MYRIP: variants seen among roughly 807,000 people sequenced by gnomAD.
MYRIP encodes rab effector MyRIP.
In MYRIP, 49 loss-of-function variants were observed where a neutral mutation model predicts 98.0. The observed-to-expected ratio is 0.50, with a 90% CI of 0.40 to 0.63. The LOEUF (loss-of-function observed/expected upper bound fraction) is 0.63. Ranked by LOEUF, MYRIP falls within the 30% of genes least tolerant of loss-of-function variation. The probability of loss-of-function intolerance (pLI) is 0.00; values close to 1 mark genes in which losing one functional copy is unlikely to be tolerated. For missense variants in MYRIP, 1,004 were observed against 1,058.2 expected, an observed-to-expected ratio of 0.95 and a Z score of 0.71; for synonymous variants, 404 against 409.5, an observed-to-expected ratio of 0.99 and a Z score of 0.16.
At chr3:40,117,022 C>T (rs535036891) in intron 3 of MYRIP, among the ~76,000 whole-genome samples, 21 of 152,326 alleles carry the variant, frequency 1.4e-4, no homozygotes, top group African/African-American at 5.1e-4. Flanking sequence ...CACAGTCTCA[C>T]ATGAGTGGCT....
chr3:39,891,107 A>C (rs1943475543), intron 1 of MYRIP, among the ~76,000 whole-genome samples: 1 of 151,952 alleles, frequency 6.6e-6, no homozygotes, highest in Non-Finnish European at 1.5e-5. Flanking sequence ...TTATTTTCCC[A>C]GTTGCTTTTT....
chr3:39,881,654 T>C (rs1018464142), intron 1 of MYRIP, among the ~76,000 whole-genome samples: 1 of 152,168 alleles, frequency 6.6e-6, no homozygotes. Context: ...CCAGAGCCTC[T>C]CTAGCCCAGT....
At chr3:39,969,430 C>A (rs1945521785) in intron 2 of MYRIP, among the ~76,000 whole-genome samples, 1 of 151,244 alleles carries the variant, frequency 6.6e-6, no homozygotes, top group African/African-American at 2.4e-5. Context: ...CCAGCTTTTG[C>A]CCATTCAGTA....
chr3:40,244,460 A>G lies in MYRIP; in HGVS notation c.2115A>G (p.Ala705=), dbSNP rs745369319. 1 of 1,612,786 alleles carries G rather than the reference A, an allele frequency of 6.2e-7. No individual in the cohort carries two copies. The highest frequency in any genetic ancestry group is 1.1e-5 in the South Asian group (1 of 90,852). The change falls in exon 13 of 17, where the codon GCA becomes GCG. Residue 705 remains alanine, a synonymous_variant. Coordinates refer to ENST00000302541, the MANE Select transcript of MYRIP (RefSeq NM_015460.4). ...TSLEENVYLA[A]GTVYGLETQL... is the part of the protein sequence containing the mutation. ...TGTCTCTACAGGTATACCTGGCAGC[A>G]GGCACTGTGTATGGACTGGAGACCC... is the stretch of plus-strand genomic sequence containing the variant.
chr3:39,922,630 G>A (rs1559523445), intron 2 of MYRIP, among the ~76,000 whole-genome samples: 2 of 152,218 alleles, frequency 1.3e-5, no homozygotes, highest in Admixed American at 6.5e-5. Context: ...GCAGCAACAA[G>A]GAGCTCCCTC....
chr3:40,223,938 A>C (rs1233882891), intron 11 of MYRIP, among the ~76,000 whole-genome samples: 1 of 152,070 alleles, frequency 6.6e-6, no homozygotes, highest in African/African-American at 2.4e-5. Context: ...TCTCTGACCA[A>C]GGGTCTTGAA....
At chr3:39,968,026 G>C (rs1575421866) in intron 2 of MYRIP, among the ~76,000 whole-genome samples, 1 of 152,128 alleles carries the variant, frequency 6.6e-6, no homozygotes. Context: ...CCATTCTGTA[G>C]GTTGTCTACT....
At chr3:39,951,972 T>C (rs952158444) in intron 2 of MYRIP, among the ~76,000 whole-genome samples, 1 of 152,212 alleles carries the variant, frequency 6.6e-6, no homozygotes, top group Non-Finnish European at 1.5e-5. Context: ...AGTAAATTTA[T>C]AGAGTTATGC....
At chr3:39,881,915 C>T (rs189365293) in intron 1 of MYRIP, among the ~76,000 whole-genome samples, 3 of 151,946 alleles carry the variant, frequency 2.0e-5, no homozygotes, top group Non-Finnish European at 2.9e-5. Context: ...CTCGTTTCTT[C>T]GTCCCTGAGC....
intron 2 of MYRIP, among the ~76,000 whole-genome samples, chr3:40,009,162 C>T (rs1395957459): frequency 6.6e-6 from 1 of 152,026 alleles, no homozygotes; most frequent in Non-Finnish European, 1.5e-5. Context: ...AATGTGGAGA[C>T]TGCCAGACCC....
chr3:40,117,490 C>T (rs562470211), intron 3 of MYRIP, among the ~76,000 whole-genome samples: 4 of 152,212 alleles, frequency 2.6e-5, no homozygotes, highest in Non-Finnish European at 5.9e-5. Flanking sequence ...TTAGCTGTTA[C>T]ATTTTCAAAT....
At chr3:40,208,801 T>C (rs1242127659) in intron 10 of MYRIP, among the ~76,000 whole-genome samples, 2 of 152,170 alleles carry the variant, frequency 1.3e-5, no homozygotes, top group African/African-American at 4.8e-5. Flanking sequence ...ATCCCTTCCC[T>C]TCCCCACATC....
intron 2 of MYRIP, among the ~76,000 whole-genome samples, chr3:40,038,850 C>T (rs997908595): frequency 2.2e-4 from 33 of 152,226 alleles, no homozygotes; most frequent in African/African-American, 7.2e-4. Flanking sequence ...GTGACTCCTA[C>T]ATATGCAGCC....
intron 10 of MYRIP, among the ~76,000 whole-genome samples, chr3:40,199,767 G>C (rs1288128157): frequency 6.6e-6 from 1 of 152,148 alleles, no homozygotes. Context: ...CTAAAGGGAA[G>C]GCAGCAGAGT....
intron 11 of MYRIP, among the ~76,000 whole-genome samples, chr3:40,217,696 TAAAA>T (rs979670993): frequency 6.6e-6 from 1 of 152,078 alleles, no homozygotes; most frequent in Non-Finnish European, 1.5e-5. Flanking sequence ...CCATAAAGCA[TAAAA>T]AAATGAAATT....
At chr3:40,171,174 G>T (rs369360911) in intron 8 of MYRIP, among the ~76,000 whole-genome samples, 1 of 151,942 alleles carries the variant, frequency 6.6e-6, no homozygotes, top group South Asian at 2.1e-4. Flanking sequence ...AGTAGAAGAC[G>T]CCATGCCCAC....
At chr3:39,815,127 C>A (rs893092646) in intron 1 of MYRIP, among the ~76,000 whole-genome samples, 3 of 152,128 alleles carry the variant, frequency 2.0e-5, no homozygotes, top group Admixed American at 6.5e-5. Context: ...TTGAACCCTG[C>A]AAAATAAACC....
chr3:40,232,119 CCTCTAT>C (rs1238204371), intron 11 of MYRIP, among the ~76,000 whole-genome samples: 1 of 152,168 alleles, frequency 6.6e-6, no homozygotes, highest in Non-Finnish European at 1.5e-5. Context: ...CATCACCTTC[CCTCTAT>C]CTCGTTCCCC....
At chr3:39,974,247 C>G (rs1272460967) in intron 2 of MYRIP, among the ~76,000 whole-genome samples, 1 of 152,092 alleles carries the variant, frequency 6.6e-6, no homozygotes, top group South Asian at 2.1e-4. Context: ...GAAATACAAA[C>G]TACCATCAGA....
Sources: gnomAD v4.1 joint callset for allele counts (sites outside exome capture counted in the v4.1 genomes callset) on GRCh38, gnomAD v4.1.1 for gene constraint, MANE v1.5 for transcripts, NCBI Gene and HGNC (gene_info 2026-07-23, HGNC 2026-07-21) for gene names.